Variants in STK33 observed in about 807,000 individuals in gnomAD.
STK33 encodes the protein serine/threonine-protein kinase 33.
A neutral mutation model predicts 58.0 loss-of-function variants in STK33; 52 were observed. The ratio of observed to expected loss-of-function variants is 0.90; its 90% confidence interval spans 0.72 to 1.13. The LOEUF (loss-of-function observed/expected upper bound fraction) is 1.13. Among genes scored for constraint, STK33 ranks in the 50% most tolerant of loss-of-function variants. The pLI is 0.00. For missense variants in STK33, 630 were observed against 604.2 expected (o/e 1.04, Z -0.45); for synonymous variants, 215 against 200.1 (o/e 1.07, Z -0.63).
rs7932831 is a variant in STK33 at position 8,491,332 on chromosome 11, G to A, written c.-465-10718C>T. On this transcript the variant is annotated intron_variant, in intron 1 of 15. Transcript: ENST00000687296. ...CAGTAGCCGATTTGATCAAGTGGAA[G>A]AAAGGGTATCAGTGACTGAAGATCA... Among the ~76,000 whole-genome samples the A allele has an allele frequency of 2.0e-5, 3 of 152,034 alleles. No individual in the cohort carries two copies. In the East Asian group the frequency reaches 5.8e-4, roughly 29 times the overall value.
chr11:8,556,460 A>C (rs577015399), intron 1 of STK33, among the ~76,000 whole-genome samples: 73 of 152,322 alleles, frequency 4.8e-4, no homozygotes, highest in African/African-American at 1.8e-3. Context: ...CTAATTATAT[A>C]AGCATCTAAA....
rs545199032 is a variant in STK33 at position 8,499,341 on chromosome 11, T to G, written c.-465-18727A>C. Among the ~76,000 whole-genome samples the G allele has an allele frequency of 4.6e-5, 7 of 152,270 alleles. No homozygotes were observed. In the East Asian group the frequency reaches 1.4e-3, roughly 29 times the overall value. ...AAAAAATCTCATCATCACTGGTCAT[T>G]AGAGAAACGCAAATCAAAACCACAA... On this transcript the variant is annotated intron_variant, in intron 1 of 15. Coordinates refer to ENST00000687296, the MANE Select transcript of STK33 (RefSeq NM_001352389.2).
intron 15 of STK33, among the ~76,000 whole-genome samples, chr11:8,398,947 G>C (rs1260708118): frequency 6.6e-6 from 1 of 152,100 alleles, no homozygotes; most frequent in Non-Finnish European, 1.5e-5. Context: ...CCCAATACAG[G>C]AGCACCCAGA....
chr11:8,577,439 T>C (rs1045437960), intron 1 of STK33, among the ~76,000 whole-genome samples: 3 of 152,120 alleles, frequency 2.0e-5, no homozygotes, highest in African/African-American at 7.2e-5. Flanking sequence ...TTCATACACT[T>C]TGCTTATTAT....
At chr11:8,385,522 C>T in the STK33 span, among the ~76,000 whole-genome samples, 1 of 152,212 alleles carries the variant, frequency 6.6e-6, no homozygotes, top group Non-Finnish European at 1.5e-5. Flanking sequence ...CCAGAGGGTT[C>T]CTATCCTGTA....
At chr11:8,525,906 C>T (rs1953978535) in intron 1 of STK33, among the ~76,000 whole-genome samples, 1 of 151,986 alleles carries the variant, frequency 6.6e-6, no homozygotes, top group South Asian at 2.1e-4. Context: ...TGCAAGGGGG[C>T]CTTCACAAAA....
chr11:8,442,420 C>T (rs1209783461), intron 11 of STK33, among the ~76,000 whole-genome samples: 2 of 152,178 alleles, frequency 1.3e-5, no homozygotes, highest in Non-Finnish European at 2.9e-5. Flanking sequence ...TCCTGGTCCT[C>T]GCTCTTTCAG....
chr11:8,476,479 C>T (rs772100631), intron 4 of STK33, among the ~76,000 whole-genome samples: 61 of 152,192 alleles, frequency 4.0e-4, no homozygotes, highest in Non-Finnish European at 2.8e-4. Flanking sequence ...TCCTTTCTCT[C>T]AGATACAGTA....
intron 1 of STK33, among the ~76,000 whole-genome samples, chr11:8,495,051 T>C (rs1248456209): frequency 1.3e-5 from 2 of 152,078 alleles, no homozygotes; most frequent in Non-Finnish European, 2.9e-5. Flanking sequence ...AATTCATGAC[T>C]AAAACACCAA....
At chr11:8,522,956 T>C (rs1565266183) in intron 1 of STK33, among the ~76,000 whole-genome samples, 1 of 152,164 alleles carries the variant, frequency 6.6e-6, no homozygotes, top group Admixed American at 6.5e-5. Context: ...CACGCCTGAC[T>C]GGTTTTCGTA....
chr11:8,457,189 AAAGTT>A (rs1812457192), intron 9 of STK33, 147 bp downstream of exon 9: 2 of 605,922 alleles, frequency 3.3e-6, no homozygotes. Flanking sequence ...ATCTAAAAAG[AAAGTT>A]AAAAAGGAAA....
chr11:8,372,234 T>C, the STK33 span, among the ~76,000 whole-genome samples: 1 of 152,188 alleles, frequency 6.6e-6, no homozygotes, highest in Non-Finnish European at 1.5e-5. Context: ...GCCATGAGCT[T>C]GGTGTTGCTG....
intron 14 of STK33, among the ~76,000 whole-genome samples, chr11:8,428,626 T>C (rs1040703900): frequency 2.0e-5 from 3 of 152,226 alleles, no homozygotes; most frequent in Non-Finnish European, 4.4e-5. Flanking sequence ...GACACTACTA[T>C]GTCAAAACTC....
chr11:8,383,471 G>A, the STK33 span, among the ~76,000 whole-genome samples: 1 of 152,212 alleles, frequency 6.6e-6, no homozygotes, highest in Non-Finnish European at 1.5e-5. Flanking sequence ...AGCTGGCTGT[G>A]GGTGCAGCTT....
At chr11:8,455,632 C>T (rs1181040751) in intron 9 of STK33, among the ~76,000 whole-genome samples, 1 of 147,338 alleles carries the variant, frequency 6.8e-6, no homozygotes, top group East Asian at 2.0e-4. Context: ...CACGTTGAAA[C>T]CCCATCTCTA....
intron 1 of STK33, among the ~76,000 whole-genome samples, chr11:8,553,884 A>G (rs748231655): frequency 1.3e-5 from 2 of 152,176 alleles, no homozygotes; most frequent in African/African-American, 2.4e-5. Context: ...GCTCCATGAC[A>G]TTAGACTAGG....
chr11:8,587,219 T>G (rs1432011104), intron 1 of STK33, among the ~76,000 whole-genome samples: 2 of 152,166 alleles, frequency 1.3e-5, no homozygotes, highest in African/African-American at 4.8e-5. Flanking sequence ...TTTTTTTAAT[T>G]GCATTTATAC....
intron 1 of STK33, among the ~76,000 whole-genome samples, chr11:8,548,161 TA>T (rs1219464562): frequency 3.3e-3 from 471 of 142,192 alleles, no homozygotes; most frequent in Middle Eastern, 0.018. Context: ...TAAAGTATAA[TA>T]AAAAAAAAAA....
chr11:8,523,281 C>G (rs1310588436), intron 1 of STK33, among the ~76,000 whole-genome samples: 1 of 151,600 alleles, frequency 6.6e-6, no homozygotes, highest in Non-Finnish European at 1.5e-5. Context: ...AGCCCCTCTG[C>G]CCAGCCGCCC....
Sources: gnomAD v4.1 joint callset for allele counts (sites outside exome capture counted in the v4.1 genomes callset) on GRCh38, gnomAD v4.1.1 for gene constraint, MANE v1.5 for transcripts, NCBI Gene and HGNC (gene_info 2026-07-23, HGNC 2026-07-21) for gene names.